The following KCNMB2 variants were observed in gnomAD, a reference collection of about 807,000 sequenced individuals.
KCNMB2 encodes calcium-activated potassium channel subunit beta-2.
In KCNMB2, 9 loss-of-function variants were observed where a neutral mutation model predicts 24.5. The observed-to-expected ratio is 0.37, with a 90% CI of 0.22 to 0.64. The LOEUF (loss-of-function observed/expected upper bound fraction) is 0.64, where lower values mean the gene tolerates loss of function less well. Among genes scored for constraint, KCNMB2 ranks in the 30% least tolerant of loss-of-function variants. The probability of loss-of-function intolerance (pLI) is 0.63; values close to 1 mark genes in which losing one functional copy is unlikely to be tolerated. For missense variants in KCNMB2, 226 were observed against 284.3 expected, an observed-to-expected ratio of 0.79 and a Z score of 1.47; for synonymous variants, 109 against 104.4, an observed-to-expected ratio of 1.04 and a Z score of -0.27.
In KCNMB2 at chr3:178,842,829, C is replaced by T. The variant is rs1715475434; in HGVS notation, c.600C>T (p.Leu200=). 1 of 1,614,008 alleles carries T rather than the reference C, an allele frequency of 6.2e-7. No homozygotes were observed. Among genetic ancestry groups the T allele is most frequent in the Non-Finnish European group, 8.5e-7 (1 of 1,179,886 alleles). Residue 200 remains leucine (L), a synonymous_variant, in exon 5 of 5, where the codon CTC becomes CTT. Transcript: ENST00000452583. The part of the protein sequence containing the change: ...LYSSNVLFHS[L]FWPTCMMAGG... ...GTTCCAACGTGCTGTTCCATTCACT[C>T]TTCTGGCCAACCTGTATGATGGCTG...
At chr3:178,646,327 T>G (rs1719922323) in intron 1 of KCNMB2, among the ~76,000 whole-genome samples, 1 of 152,328 alleles carries the variant, frequency 6.6e-6, no homozygotes, top group South Asian at 2.1e-4. Context: ...TCAACCTCCA[T>G]GACAAAGGTT....
chr3:178,722,664 G>A (rs1722846377), intron 1 of KCNMB2, among the ~76,000 whole-genome samples: 2 of 152,080 alleles, frequency 1.3e-5, no homozygotes, highest in South Asian at 4.1e-4. Context: ...GGACCAAGAT[G>A]GGCAGATGGC....
chr3:178,586,534 C>CT (rs1717436976), intron 1 of KCNMB2, among the ~76,000 whole-genome samples: 11 of 68,496 alleles, frequency 1.6e-4, no homozygotes, highest in Admixed American at 1.7e-4. Flanking sequence ...TTTTTTTTTT[C>CT]TTTCTTTTTT....
At chr3:178,814,975 T>C (rs1423098383) in intron 2 of KCNMB2, among the ~76,000 whole-genome samples, 1 of 152,186 alleles carries the variant, frequency 6.6e-6, no homozygotes, top group East Asian at 1.9e-4. Context: ...TTTAGTTTAA[T>C]TAAGTCCCAT....
chr3:178,565,164 T>C (rs1016487732), intron 1 of KCNMB2, among the ~76,000 whole-genome samples: 3 of 152,184 alleles, frequency 2.0e-5, no homozygotes, highest in Admixed American at 6.5e-5. Flanking sequence ...TAACAGTAGT[T>C]ACATCTAGAG....
In KCNMB2 at chr3:178,842,804, G is replaced by C; in HGVS notation, c.575G>C (p.Ser192Thr). 1 of 1,613,982 alleles carries C rather than the reference G, an allele frequency of 6.2e-7. No individual in the cohort carries two copies. Among genetic ancestry groups the C allele is most frequent in the Non-Finnish European group, 8.5e-7 (1 of 1,179,900 alleles). ...AGTGTTATCCTAACAAAACTCTACA[G>C]TTCCAACGTGCTGTTCCATTCACTC... ...QKSVILTKLY[S>T]SNVLFHSLFW... The change falls in exon 5 of 5, where the codon AGT (serine) becomes ACT (threonine). Residue 192 changes from serine to threonine, a missense_variant. Transcript: ENST00000452583.
intron 1 of KCNMB2, among the ~76,000 whole-genome samples, chr3:178,725,236 G>T (rs2108361966): frequency 6.6e-6 from 1 of 151,956 alleles, no homozygotes. Flanking sequence ...CCATCTCTTT[G>T]GTTACATGTA....
intron 1 of KCNMB2, among the ~76,000 whole-genome samples, chr3:178,803,231 C>T: frequency 6.6e-6 from 1 of 152,146 alleles, no homozygotes; most frequent in African/African-American, 2.4e-5. Context: ...AACAAATGGC[C>T]CCATCTGCTG....
chr3:178,583,414 C>T (rs929163709), intron 1 of KCNMB2, among the ~76,000 whole-genome samples: 26 of 151,990 alleles, frequency 1.7e-4, no homozygotes, highest in African/African-American at 5.1e-4. Flanking sequence ...GGCAAGTTTC[C>T]GTCTCTTTTT....
chr3:178,788,698 C>T lies in KCNMB2; in HGVS notation c.-67-18645C>T, dbSNP rs578045015. 7.9e-5 allele frequency among the ~76,000 whole-genome samples: 12 copies of T among 152,204 alleles called. No homozygotes were observed. The South Asian group carries it at 2.5e-3, about 32-fold the overall frequency. On this transcript the variant is annotated intron_variant, in intron 1 of 4. Coordinates refer to ENST00000452583, the MANE Select transcript of KCNMB2 (RefSeq NM_181361.3). The stretch of plus-strand genomic sequence containing the variant: ...GCAACCTGAATCTAATTTAAAAGTT[C>T]TTTCAACTAAACCTGAGATGGTCAT...
At chr3:178,761,007 A>G (rs1047667786) in intron 1 of KCNMB2, among the ~76,000 whole-genome samples, 2 of 152,168 alleles carry the variant, frequency 1.3e-5, no homozygotes, top group African/African-American at 4.8e-5. Context: ...AAGAAATTGG[A>G]TAAGGTCTTT....
intron 1 of KCNMB2, among the ~76,000 whole-genome samples, chr3:178,611,981 A>G (rs1294394936): frequency 6.6e-6 from 1 of 152,110 alleles, no homozygotes; most frequent in Admixed American, 6.5e-5. Flanking sequence ...GAAATTTTTC[A>G]ACTTCCTTCT....
chr3:178,788,630 A>G (rs1371927662), intron 1 of KCNMB2, among the ~76,000 whole-genome samples: 1 of 152,188 alleles, frequency 6.6e-6, no homozygotes, highest in Non-Finnish European at 1.5e-5. Context: ...GAAATTAACA[A>G]TGTATTTGTG....
chr3:178,789,831 A>G (rs1713251760), intron 1 of KCNMB2, among the ~76,000 whole-genome samples: 2 of 152,114 alleles, frequency 1.3e-5, no homozygotes, highest in African/African-American at 4.8e-5. Flanking sequence ...AGCCTAGGCC[A>G]CAAGGACTGC....
At chr3:178,840,423 A>C (rs2108479174) in intron 4 of KCNMB2, among the ~76,000 whole-genome samples, 1 of 152,244 alleles carries the variant, frequency 6.6e-6, no homozygotes, top group East Asian at 1.9e-4. Context: ...TCACAGCTCC[A>C]CTAGGCAGTG....
intron 1 of KCNMB2, among the ~76,000 whole-genome samples, chr3:178,796,416 T>A (rs897829844): frequency 6.6e-6 from 1 of 152,166 alleles, no homozygotes; most frequent in East Asian, 1.9e-4. Flanking sequence ...CTAATAGATA[T>A]TTACAGAACA....
chr3:178,812,542 C>T (rs745691526), intron 2 of KCNMB2, among the ~76,000 whole-genome samples: 18 of 151,754 alleles, frequency 1.2e-4, no homozygotes, highest in Non-Finnish European at 2.6e-4. Flanking sequence ...TTTGAAATCC[C>T]GTCCTACTCC....
At chr3:178,602,240 T>C (rs1031045350) in intron 1 of KCNMB2, among the ~76,000 whole-genome samples, 4 of 151,946 alleles carry the variant, frequency 2.6e-5, no homozygotes, top group African/African-American at 9.7e-5. Flanking sequence ...CTCCTATGCC[T>C]ATAGAGCAGC....
chr3:178,739,121 A>C (rs1353435828), intron 1 of KCNMB2, among the ~76,000 whole-genome samples: 6 of 151,148 alleles, frequency 4.0e-5, no homozygotes, highest in Non-Finnish European at 8.8e-5. Context: ...AAAAACATGT[A>C]TATCAGCAGG....
Sources: gnomAD v4.1 joint callset for allele counts (sites outside exome capture counted in the v4.1 genomes callset) on GRCh38, gnomAD v4.1.1 for gene constraint, MANE v1.5 for transcripts, NCBI Gene and HGNC (gene_info 2026-07-23, HGNC 2026-07-21) for gene names.